Variants in USP15 observed in about 807,000 individuals in gnomAD.
USP15 encodes the protein ubiquitin specific peptidase 15.
Under a neutral mutation model 127.1 loss-of-function variants are expected in USP15, and 18 were observed. The ratio of observed to expected loss-of-function variants is 0.14; its 90% CI spans 0.10 to 0.21. The LOEUF is 0.21. USP15 is among the 10% of genes least tolerant of loss of function. USP15 has a pLI of 1.00. For missense variants in USP15, 805 were observed against 1,159.9 expected, an observed-to-expected ratio of 0.69 and a Z score of 4.44; for synonymous variants, 364 against 393.7, an observed-to-expected ratio of 0.92 and a Z score of 0.89.
intron 6 of USP15, among the ~76,000 whole-genome samples, chr12:62,338,227 C>T (rs909293944): frequency 1.3e-5 from 2 of 152,062 alleles, no homozygotes; most frequent in African/African-American, 2.4e-5. Context: ...TGTCTAATGA[C>T]CAGTGATGAA....
At chr12:62,329,804 G>A (rs1565860087) in intron 6 of USP15, among the ~76,000 whole-genome samples, 1 of 152,202 alleles carries the variant, frequency 6.6e-6, no homozygotes, top group Non-Finnish European at 1.5e-5. Context: ...ATTGGGTATG[G>A]TGTAGATATC....
chr12:62,293,648 G>T (rs945837439), intron 1 of USP15, among the ~76,000 whole-genome samples: 2 of 152,084 alleles, frequency 1.3e-5, no homozygotes, highest in African/African-American at 4.8e-5. Flanking sequence ...AAGCCACTGC[G>T]CCCGGCTGTA....
At chr12:62,353,855 A>G (rs1229257025) in intron 7 of USP15, among the ~76,000 whole-genome samples, 3 of 152,132 alleles carry the variant, frequency 2.0e-5, no homozygotes, top group South Asian at 2.1e-4. Flanking sequence ...AAGATGCATG[A>G]ATTATATTTT....
chr12:62,263,772 G>C (rs899411761), intron 1 of USP15, among the ~76,000 whole-genome samples: 1 of 152,090 alleles, frequency 6.6e-6, no homozygotes, highest in East Asian at 1.9e-4. Context: ...AGAAAAACAC[G>C]AACAAAATTT....
intron 1 of USP15, among the ~76,000 whole-genome samples, chr12:62,262,966 C>A (rs2063108882): frequency 6.6e-6 from 1 of 152,090 alleles, no homozygotes. Context: ...GTTGCAGAAA[C>A]CAGTTTGGTT....
intron 1 of USP15, among the ~76,000 whole-genome samples, chr12:62,268,793 G>A (rs1366968211): frequency 2.0e-5 from 3 of 152,014 alleles, no homozygotes; most frequent in African/African-American, 7.2e-5. Flanking sequence ...CCCACTTAAA[G>A]TGGACAGTTC....
intron 6 of USP15, among the ~76,000 whole-genome samples, chr12:62,337,466 T>C (rs1317556281): frequency 6.6e-6 from 1 of 152,120 alleles, no homozygotes; most frequent in Non-Finnish European, 1.5e-5. Context: ...TTTTTGTCTT[T>C]TTTAAATTTT....
At chr12:62,260,916 T>G (rs2063032299) in intron 1 of USP15, among the ~76,000 whole-genome samples, 1 of 152,162 alleles carries the variant, frequency 6.6e-6, no homozygotes, top group African/African-American at 2.4e-5. Context: ...CTCTGTTCAT[T>G]TCCTTTCCTA....
intron 8 of USP15, among the ~76,000 whole-genome samples, chr12:62,361,205 C>T (rs1432685570): frequency 6.6e-6 from 1 of 151,994 alleles, no homozygotes; most frequent in African/African-American, 2.4e-5. Flanking sequence ...TAAAAGAATG[C>T]CTTGCACTTG....
intron 6 of USP15, among the ~76,000 whole-genome samples, chr12:62,328,890 A>C (rs974938871): frequency 1.4e-4 from 21 of 152,324 alleles, no homozygotes; most frequent in African/African-American, 4.8e-4. Flanking sequence ...ACAACTTGGT[A>C]TATGATGTGG....
At position 62,366,900 on chromosome 12, in the gene USP15, C is replaced by T. The variant is rs536401746; in HGVS notation, c.915+11425C>T. ...CAGCCTTGCATCCCAGGGATGAAGC[C>T]GACTTAATCATGGTGGATAAGCTTT... On this transcript the variant is annotated intron_variant, in intron 8 of 21. Transcript: ENST00000280377. 1.3e-4 allele frequency among the ~76,000 whole-genome samples: 20 copies of T among 152,236 alleles called. 1 individual carries two copies. Among genetic ancestry groups the T allele is most frequent in the African/African-American group, 2.6e-4 (11 of 41,542 alleles).
At chr12:62,292,840 A>C (rs920502129) in intron 1 of USP15, among the ~76,000 whole-genome samples, 1 of 152,104 alleles carries the variant, frequency 6.6e-6, no homozygotes, top group Admixed American at 6.5e-5. Context: ...CTTGTGGGAT[A>C]GATTATTGGG....
intron 6 of USP15, among the ~76,000 whole-genome samples, chr12:62,330,707 G>A (rs918549402): frequency 6.6e-6 from 1 of 150,420 alleles, no homozygotes; most frequent in Non-Finnish European, 1.5e-5. Flanking sequence ...TATCACTTGA[G>A]CCCAGGAGTT....
intron 2 of USP15, among the ~76,000 whole-genome samples, chr12:62,296,983 A>G (rs2064149998): frequency 6.6e-6 from 1 of 152,182 alleles, no homozygotes; most frequent in Non-Finnish European, 1.5e-5. Flanking sequence ...GCAGTTAACA[A>G]AGGAAAGAGG....
intron 8 of USP15, among the ~76,000 whole-genome samples, chr12:62,367,463 GTGA>G (rs1408723612): frequency 6.6e-6 from 1 of 152,034 alleles, no homozygotes; most frequent in African/African-American, 2.4e-5. Flanking sequence ...TCCTGACCTC[GTGA>G]TCCGCCTGCC....
intron 2 of USP15, among the ~76,000 whole-genome samples, chr12:62,296,590 A>G (rs1233053838): frequency 6.6e-6 from 1 of 152,210 alleles, no homozygotes; most frequent in Non-Finnish European, 1.5e-5. Context: ...TGATGTCAGC[A>G]GGATGATAGA....
rs552533072 is a variant in USP15 at position 62,340,219 on chromosome 12, A to T, written c.684-9002A>T. ...TGATGGTAGTTTTTATTTCTGTGGGATCAGTGGTGATATCCCCTTTATCAT... is the reference window on the plus strand; with the variant it reads ...TGATGGTAGTTTTTATTTCTGTGGGTTCAGTGGTGATATCCCCTTTATCAT... On this transcript the variant is annotated intron_variant, in intron 6 of 21. Transcript: ENST00000280377. Among the ~76,000 whole-genome samples, 64 of 152,176 alleles carry T rather than the reference A, an allele frequency of 4.2e-4. No homozygotes were observed. The South Asian group carries it at 0.011, about 27-fold the overall frequency.
intron 6 of USP15, among the ~76,000 whole-genome samples, chr12:62,336,875 C>CA (rs2065484012): frequency 6.6e-6 from 1 of 152,140 alleles, no homozygotes; most frequent in Non-Finnish European, 1.5e-5. Flanking sequence ...AATACTACAT[C>CA]AAAACTTGAC....
chr12:62,321,888 A>G (rs536904386), intron 5 of USP15, among the ~76,000 whole-genome samples: 1 of 152,348 alleles, frequency 6.6e-6, no homozygotes, highest in African/African-American at 2.4e-5. Context: ...AAGACCAAAT[A>G]GTAAACATAT....
Sources: gnomAD v4.1 joint callset for allele counts (sites outside exome capture counted in the v4.1 genomes callset) on GRCh38, gnomAD v4.1.1 for gene constraint, MANE v1.5 for transcripts, NCBI Gene and HGNC (gene_info 2026-07-23, HGNC 2026-07-21) for gene names.